The following TMEM260 variants were observed in gnomAD, a reference collection of about 807,000 sequenced individuals.
TMEM260 encodes protein O-mannosyl-transferase TMEM260.
Under a neutral mutation model 88.9 loss-of-function variants are expected in TMEM260, and 82 were observed. That is an observed-to-expected ratio of 0.92 (90% CI 0.77 to 1.11). The LOEUF is 1.11. TMEM260 is among the 50% of genes least tolerant of loss of function. The pLI is 0.00. For synonymous variants in TMEM260, 314 were observed against 309.3 expected, an observed-to-expected ratio of 1.02 and a Z score of -0.16; for missense variants, 902 against 853.4, an observed-to-expected ratio of 1.06 and a Z score of -0.71.
At chr14:56,599,382 C>T (rs757559359) in intron 3 of TMEM260, among the ~76,000 whole-genome samples, 3 of 152,088 alleles carry the variant, frequency 2.0e-5, no homozygotes, top group South Asian at 2.1e-4. Context: ...TGTGTACTGA[C>T]GCTCCTGCTC....
intron 6 of TMEM260, among the ~76,000 whole-genome samples, chr14:56,610,024 T>G (rs1248678580): frequency 6.6e-6 from 1 of 152,052 alleles, no homozygotes; most frequent in East Asian, 1.9e-4. Context: ...TATACAAAAC[T>G]CTAAACCATG....
At chr14:56,595,012 C>T (rs539920443) in intron 3 of TMEM260, among the ~76,000 whole-genome samples, 12 of 152,038 alleles carry the variant, frequency 7.9e-5, no homozygotes, top group East Asian at 1.9e-4. Context: ...TCATTGATAG[C>T]GATGATAATT....
intron 15 of TMEM260, 148 bp downstream of exon 15, chr14:56,636,746 A>G: frequency 1.5e-6 from 1 of 681,400 alleles, no homozygotes; most frequent in Admixed American, 2.6e-5. Flanking sequence ...CATATGAACA[A>G]ATCCTCAGTT....
intron 7 of TMEM260, chr14:56,614,054 G>A (rs1371460126): frequency 6.6e-6 from 1 of 151,880 alleles, no homozygotes; most frequent in African/African-American, 2.4e-5. Context: ...GATTACAGGT[G>A]TGTGCTACCA....
intron 7 of TMEM260, chr14:56,615,737 C>G (rs2139584441): frequency 2.0e-6 from 1 of 505,436 alleles, no homozygotes; most frequent in Non-Finnish European, 3.5e-6. Context: ...AGTTGATAAC[C>G]AAATGTTACC....
At chr14:56,580,976 T>A (rs897838716) in intron 1 of TMEM260, among the ~76,000 whole-genome samples, 2 of 152,202 alleles carry the variant, frequency 1.3e-5, no homozygotes, top group African/African-American at 4.8e-5. Flanking sequence ...ATCAGGAGTC[T>A]GGGTGCCGTT....
At position 56,609,239 on chromosome 14, in the gene TMEM260, G is replaced by T; in HGVS notation, c.770G>T (p.Gly257Val). 6.2e-7 allele frequency: 1 copy of T among 1,614,008 alleles called. No individual in the cohort carries two copies. Among genetic ancestry groups the T allele is most frequent in the South Asian group, 1.1e-5 (1 of 91,054 alleles). Residue 257 changes from glycine (G) to valine (V), a missense_variant, in exon 6 of 16, where the codon GGA (glycine) becomes GTA (valine). Gly to Val is a moderately radical substitution (Grantham distance 109). Coordinates refer to ENST00000261556, the MANE Select transcript of TMEM260 (RefSeq NM_017799.4). ...TGGGGAGACCAGACAACACTGCAAG[G>T]ATTTTTGACACATTTTCTCAGGGAA... ...WTWGDQTTLQ[G>V]FLTHFLREEY... is the part of the protein sequence containing the mutation.
chr14:56,643,044 C>T (rs1010680218), intron 15 of TMEM260, among the ~76,000 whole-genome samples: 2 of 152,092 alleles, frequency 1.3e-5, no homozygotes, highest in African/African-American at 2.4e-5. Context: ...CAAAAAAAGT[C>T]CAGGACCAGA....
chr14:56,646,521 A>G (rs1889977801), intron 15 of TMEM260, among the ~76,000 whole-genome samples: 1 of 152,244 alleles, frequency 6.6e-6, no homozygotes, highest in Non-Finnish European at 1.5e-5. Context: ...TGTTTCCTGT[A>G]GAAAACTCAG....
intron 3 of TMEM260, among the ~76,000 whole-genome samples, chr14:56,602,582 A>C (rs1007850663): frequency 2.6e-5 from 4 of 152,284 alleles, no homozygotes; most frequent in African/African-American, 9.6e-5. Flanking sequence ...CAAATTAGGG[A>C]ACTCTTAAAA....
At chr14:56,595,004 A>G (rs773661863) in intron 3 of TMEM260, among the ~76,000 whole-genome samples, 6 of 152,186 alleles carry the variant, frequency 3.9e-5, no homozygotes, top group Non-Finnish European at 7.3e-5. Context: ...GGTTCCCTTC[A>G]TTGATAGCGA....
chr14:56,618,667 CTG>C lies in TMEM260; in HGVS notation c.1131_1132del (p.Glu378AspfsTer2), dbSNP rs1393995119. The stretch of plus-strand genomic sequence containing the variant: ...GGCATTGGTTTGGCTGCAGTTGTGT[CTG>C]AGACTAACCGAGTGCTGAATAGCAA... On this transcript the variant is annotated frameshift_variant, in exon 10 of 16. Transcript: ENST00000261556. LOFTEE classifies it high-confidence loss of function. 2.5e-6 allele frequency: 4 copies of C among 1,614,180 alleles called. No individual in the cohort carries two copies. Among genetic ancestry groups the C allele is most frequent in the Non-Finnish European group, 3.4e-6 (4 of 1,180,020 alleles).
chr14:56,620,438 A>C (rs1045234816), intron 10 of TMEM260, among the ~76,000 whole-genome samples: 1 of 152,244 alleles, frequency 6.6e-6, no homozygotes, highest in Non-Finnish European at 1.5e-5. Flanking sequence ...CCAAGCCCAC[A>C]GTGTGTTTCC....
chr14:56,598,871 A>G (rs1036276787), intron 3 of TMEM260, among the ~76,000 whole-genome samples: 1 of 152,200 alleles, frequency 6.6e-6, no homozygotes, highest in African/African-American at 2.4e-5. Flanking sequence ...AACTACTGGC[A>G]GACTTTCAGG....
intron 8 of TMEM260, 33 bp from the exon 9 acceptor site, chr14:56,617,150 A>C (rs1273371716): frequency 7.7e-7 from 1 of 1,305,432 alleles, no homozygotes; most frequent in African/African-American, 1.5e-5. Flanking sequence ...ATGTATCTAA[A>C]TATTTTAGAC....
chr14:56,635,145 G>A (rs1238016750), intron 14 of TMEM260, among the ~76,000 whole-genome samples, 193 bp downstream of exon 14: 1 of 152,070 alleles, frequency 6.6e-6, no homozygotes, highest in Non-Finnish European at 1.5e-5. Context: ...TAACCTCTGA[G>A]GTTATTTTGA....
chr14:56,647,548 A>C lies in TMEM260; in HGVS notation c.*51A>C, dbSNP rs1249073464. The C allele has an allele frequency of 6.5e-7, 1 of 1,530,342 alleles. No homozygotes were observed. The highest frequency in any genetic ancestry group is 1.4e-5 in the African/African-American group (1 of 71,374). 94.8% of individuals were successfully genotyped at this position (1,530,342 alleles called of 1,614,324 possible). A position where few individuals can be genotyped will look rare whatever the true frequency, so the allele number is the denominator to read the frequency against. Reference sequence around the variant, plus strand: ...CATCGTTCAGCTTCCAAAATTCTGAAGTCTGGAAGTTTTTCCTTCAAGAAA... The same window carrying C: ...CATCGTTCAGCTTCCAAAATTCTGACGTCTGGAAGTTTTTCCTTCAAGAAA... On this transcript the variant is annotated 3_prime_UTR_variant, in exon 16 of 16. Coordinates refer to ENST00000261556, the MANE Select transcript of TMEM260 (RefSeq NM_017799.4).
intron 5 of TMEM260, among the ~76,000 whole-genome samples, chr14:56,607,797 C>G (rs1887006570): frequency 6.6e-6 from 1 of 152,044 alleles, no homozygotes; most frequent in Non-Finnish European, 1.5e-5. Flanking sequence ...GAGGCCCAGA[C>G]ATCAGTATTT....
At chr14:56,634,874 T>G (rs1888913859) in intron 13 of TMEM260, 25 bp from the exon 14 acceptor site, 1 of 1,599,412 alleles carries the variant, frequency 6.3e-7, no homozygotes, top group Admixed American at 1.7e-5. Flanking sequence ...GACAGAAAGA[T>G]ATTACTGTTT....
Sources: gnomAD v4.1 joint callset for allele counts (sites outside exome capture counted in the v4.1 genomes callset) on GRCh38, gnomAD v4.1.1 for gene constraint, MANE v1.5 for transcripts, NCBI Gene and HGNC (gene_info 2026-07-23, HGNC 2026-07-21) for gene names.